The following ANKH variants were observed in gnomAD, a reference collection of about 807,000 sequenced individuals.
ANKH encodes ANKH inorganic pyrophosphate transport regulator.
ANKH carries 15 observed loss-of-function variants against 49.0 expected under a neutral mutation model. The observed-to-expected ratio is 0.31, with a 90% CI of 0.20 to 0.47. The LOEUF is 0.47. ANKH is among the 20% of genes least tolerant of loss of function. The pLI, the probability that ANKH is intolerant of heterozygous loss-of-function variation, is 1.00. For missense variants in ANKH, 429 were observed against 652.0 expected (o/e 0.66, Z 3.72); for synonymous variants, 273 against 260.0 (o/e 1.05, Z -0.48).
chr5:14,772,191 C>T (rs909968216), intron 1 of ANKH, among the ~76,000 whole-genome samples: 44 of 152,126 alleles, frequency 2.9e-4, no homozygotes, highest in African/African-American at 9.9e-4. Context: ...CAGAGCTACT[C>T]GGCAAAACCA....
chr5:14,803,324 G>A (rs1740617816), intron 1 of ANKH, among the ~76,000 whole-genome samples: 1 of 152,056 alleles, frequency 6.6e-6, no homozygotes, highest in Non-Finnish European at 1.5e-5. Context: ...CTGTTGCCCG[G>A]GCTGGAGTGC....
chr5:14,815,435 T>C (rs1741006333), intron 1 of ANKH, among the ~76,000 whole-genome samples: 1 of 152,238 alleles, frequency 6.6e-6, no homozygotes, highest in African/African-American at 2.4e-5. Context: ...TGCCTTGAAA[T>C]TGTTCATTCA....
intron 1 of ANKH, among the ~76,000 whole-genome samples, chr5:14,791,756 T>G (rs1740173537): frequency 6.6e-6 from 1 of 152,180 alleles, no homozygotes; most frequent in Non-Finnish European, 1.5e-5. Flanking sequence ...AAGTCAAAAG[T>G]CTACCCCAGC....
At chr5:14,738,309 AG>A (rs1738249260) in intron 8 of ANKH, among the ~76,000 whole-genome samples, 1 of 152,206 alleles carries the variant, frequency 6.6e-6, no homozygotes, top group Non-Finnish European at 1.5e-5. Context: ...GGGCCTGGAA[AG>A]GGGGCTGTTC....
At chr5:14,797,500 A>C in intron 1 of ANKH, 1 of 1,611,360 alleles carries the variant, frequency 6.2e-7, no homozygotes, top group Admixed American at 1.7e-5. Flanking sequence ...CTCAGATCCC[A>C]CAAGGCAACA....
intron 8 of ANKH, among the ~76,000 whole-genome samples, chr5:14,723,873 T>C (rs1580007614): frequency 6.6e-6 from 1 of 152,214 alleles, no homozygotes; most frequent in African/African-American, 2.4e-5. Flanking sequence ...TCTTGAATCA[T>C]ATTAACCTCT....
At chr5:14,728,154 T>A (rs1029175078) in intron 8 of ANKH, among the ~76,000 whole-genome samples, 1 of 152,234 alleles carries the variant, frequency 6.6e-6, no homozygotes, top group Non-Finnish European at 1.5e-5. Context: ...AGGAAGTCAC[T>A]CACTATGCGC....
rs1054439108 is a variant in ANKH, at chr5:14,705,310, C to G, written c.*5887G>C. The G allele has an allele frequency of 2.6e-5, 4 of 152,080 alleles. No homozygotes were observed. The highest frequency in any genetic ancestry group is 2.6e-4 in the Admixed American group (4 of 15,272). The allele number at this position is 152,080 out of a possible 1,614,324, so 9.4% of individuals were successfully genotyped here. On this transcript the variant is annotated 3_prime_UTR_variant, in exon 12 of 12. Coordinates refer to ENST00000284268, the MANE Select transcript of ANKH (RefSeq NM_054027.6). ...AAAAAAAAAAAAATCTAGATCACTG[C>G]TAATGTTCAGATCTGAAATGAAGAA... is the stretch of plus-strand genomic sequence containing the variant.
chr5:14,754,938 T>C (rs1008528141), intron 4 of ANKH, among the ~76,000 whole-genome samples: 1 of 151,752 alleles, frequency 6.6e-6, no homozygotes, highest in African/African-American at 2.4e-5. Context: ...TAGCCAGGCA[T>C]GGTGGCAGAT....
At chr5:14,817,733 G>T (rs919762160) in intron 1 of ANKH, among the ~76,000 whole-genome samples, 4 of 152,182 alleles carry the variant, frequency 2.6e-5, no homozygotes, top group Non-Finnish European at 5.9e-5. Flanking sequence ...TACAGATATA[G>T]GCTTCACCTG....
intron 1 of ANKH, among the ~76,000 whole-genome samples, chr5:14,842,634 GC>G (rs2126611001): frequency 6.6e-6 from 1 of 152,242 alleles, no homozygotes; most frequent in East Asian, 1.9e-4. Flanking sequence ...GAGTATCAAA[GC>G]CCTTAGTTTA....
chr5:14,846,762 C>T (rs1327989385), intron 1 of ANKH, among the ~76,000 whole-genome samples: 2 of 151,936 alleles, frequency 1.3e-5, no homozygotes, highest in Non-Finnish European at 2.9e-5. Flanking sequence ...GAGGCTGAGG[C>T]GGATGGATTA....
At chr5:14,796,465 A>C (rs1406583143) in intron 1 of ANKH, among the ~76,000 whole-genome samples, 11 of 121,494 alleles carry the variant, frequency 9.1e-5, no homozygotes, top group African/African-American at 3.4e-4. Flanking sequence ...AAAAAAAAAA[A>C]CACACACCAA....
At chr5:14,821,132 A>G (rs1291454164) in intron 1 of ANKH, among the ~76,000 whole-genome samples, 3 of 152,154 alleles carry the variant, frequency 2.0e-5, no homozygotes, top group Non-Finnish European at 4.4e-5. Flanking sequence ...TTAAACTTCA[A>G]AACATGCCAA....
rs141431036 is a variant in ANKH at position 14,716,927 on chromosome 5, C to T, written c.1012-92G>A. On this transcript the variant is annotated intron_variant, in intron 8 of 11. Coordinates refer to ENST00000284268, the MANE Select transcript of ANKH (RefSeq NM_054027.6). ...GTGTGGCACAATCCTTGGAGAGTTA[C>T]GAAAGAGGGACAACCGGCCTGACTG... is the stretch of plus-strand genomic sequence containing the variant. The T allele has an allele frequency of 2.6e-3, 3,917 of 1,533,774 alleles. 5 individuals carry two copies. Among genetic ancestry groups the T allele is most frequent in the East Asian group, 5.2e-3 (220 of 42,504 alleles).
At chr5:14,717,161 G>A (rs1737499663) in intron 8 of ANKH, 1 of 346,326 alleles carries the variant, frequency 2.9e-6, no homozygotes, top group Non-Finnish European at 5.6e-6. Context: ...TAAGGAGAGT[G>A]CCAAACAGCT....
chr5:14,796,504 A>T (rs972696032), intron 1 of ANKH, among the ~76,000 whole-genome samples: 4 of 151,272 alleles, frequency 2.6e-5, no homozygotes, highest in African/African-American at 9.7e-5. Flanking sequence ...CATTTCACAG[A>T]CAGGAAATAA....
At chr5:14,831,329 T>C (rs75755230) in intron 1 of ANKH, among the ~76,000 whole-genome samples, 1,823 of 152,322 alleles carry the variant, frequency 0.012, 41 homozygotes, top group African/African-American at 0.042. Context: ...AAAAACTGCC[T>C]AAAGATGCCC....
intron 1 of ANKH, among the ~76,000 whole-genome samples, chr5:14,828,022 C>A (rs1278169386): frequency 6.6e-6 from 1 of 152,190 alleles, no homozygotes; most frequent in Non-Finnish European, 1.5e-5. Context: ...ACATCAATTA[C>A]AGACAAACTA....
Sources: allele counts gnomAD v4.1 joint callset (sites outside exome capture counted in the v4.1 genomes callset), GRCh38; gene constraint gnomAD v4.1.1; transcripts MANE v1.5; gene names NCBI Gene and HGNC (gene_info 2026-07-23, HGNC 2026-07-21).